Variants in CDK17 observed in about 807,000 individuals in gnomAD.
The protein encoded by CDK17 is cyclin dependent kinase 17.
In CDK17, 24 loss-of-function variants were observed where a neutral mutation model predicts 77.6. The ratio of observed to expected loss-of-function variants is 0.31; its 90% CI spans 0.22 to 0.44. The LOEUF (loss-of-function observed/expected upper bound fraction) is 0.44. Among genes scored for constraint, CDK17 ranks in the 20% least tolerant of loss-of-function variants. The probability of loss-of-function intolerance (pLI) is 1.00; values close to 1 mark genes in which losing one functional copy is unlikely to be tolerated. For missense variants in CDK17, 429 were observed against 622.5 expected (o/e 0.69, Z 3.31); for synonymous variants, 203 against 210.4 (o/e 0.96, Z 0.30).
intron 1 of CDK17, among the ~76,000 whole-genome samples, chr12:96,361,458 G>A (rs754817418): frequency 1.3e-5 from 2 of 152,126 alleles, no homozygotes; most frequent in Non-Finnish European, 2.9e-5. Context: ...CTCCAACCTC[G>A]CAAAGCAGTT....
chr12:96,400,299 G>T lies in CDK17; in HGVS notation c.-343C>A. 5.1e-6 allele frequency: 2 copies of T among 390,164 alleles called. No individual in the cohort carries two copies. Among genetic ancestry groups the T allele is most frequent in the Non-Finnish European group, 9.1e-6 (2 of 220,508 alleles). 24.2% of individuals were successfully genotyped at this position (390,164 alleles called of 1,614,324 possible). On this transcript the variant is annotated 5_prime_UTR_variant, in exon 1 of 17. Coordinates refer to ENST00000261211, the MANE Select transcript of CDK17 (RefSeq NM_002595.5). ...GCCGGGCGCGAGCGCGGCGGGCGCC[G>T]ACGGCGGGCTGAGACTGTCTGGCCG...
intron 3 of CDK17, among the ~76,000 whole-genome samples, chr12:96,317,141 C>T (rs1406170824): frequency 4.1e-5 from 6 of 147,146 alleles, no homozygotes; most frequent in African/African-American, 1.0e-4. Flanking sequence ...AACCAAGGCT[C>T]GAGAACTACA....
intron 6 of CDK17, among the ~76,000 whole-genome samples, chr12:96,299,533 G>A (rs1487602274): frequency 1.3e-5 from 2 of 151,946 alleles, no homozygotes; most frequent in Admixed American, 1.3e-4. Flanking sequence ...TGGGATTACA[G>A]GCGCCCGCCA....
chr12:96,398,674 T>C (rs1954210115), intron 1 of CDK17, among the ~76,000 whole-genome samples: 1 of 152,238 alleles, frequency 6.6e-6, no homozygotes, highest in African/African-American at 2.4e-5. Context: ...GAAAGAATTG[T>C]CTGTCTTTAG....
At chr12:96,317,566 C>G (rs1353410616) in intron 3 of CDK17, among the ~76,000 whole-genome samples, 1 of 112,852 alleles carries the variant, frequency 8.9e-6, no homozygotes, top group Non-Finnish European at 1.9e-5. Flanking sequence ...GGGTTACCCT[C>G]AAAGGGAAGC....
chr12:96,316,213 G>C (rs567419684), intron 3 of CDK17, among the ~76,000 whole-genome samples: 2 of 152,044 alleles, frequency 1.3e-5, no homozygotes, highest in Non-Finnish European at 2.9e-5. Context: ...CTGGAAAATC[G>C]GGTCACTCCC....
chr12:96,292,801 A>G (rs1025314857), intron 10 of CDK17, among the ~76,000 whole-genome samples: 1 of 152,128 alleles, frequency 6.6e-6, no homozygotes, highest in Admixed American at 6.6e-5. Context: ...AAGCAAAAAG[A>G]GCATTTAATT....
intron 1 of CDK17, among the ~76,000 whole-genome samples, chr12:96,358,392 A>AT (rs1953437199): frequency 6.6e-6 from 1 of 150,868 alleles, no homozygotes; most frequent in Admixed American, 6.6e-5. Context: ...AAAAAAAAAA[A>AT]AAAAGTTTAG....
At chr12:96,353,990 A>AT (rs750717641) in intron 1 of CDK17, among the ~76,000 whole-genome samples, 3 of 152,186 alleles carry the variant, frequency 2.0e-5, no homozygotes, top group Non-Finnish European at 4.4e-5. Flanking sequence ...GGTATGTGTA[A>AT]TAAGAGGGAA....
intron 1 of CDK17, among the ~76,000 whole-genome samples, chr12:96,354,675 T>C (rs560653575): frequency 6.6e-6 from 1 of 151,304 alleles, no homozygotes; most frequent in South Asian, 2.1e-4. Context: ...AGGCCAAGAG[T>C]TCCAAGACCA....
chr12:96,306,104 T>TA (rs1355466985), intron 5 of CDK17, among the ~76,000 whole-genome samples: 1 of 152,138 alleles, frequency 6.6e-6, no homozygotes, highest in Non-Finnish European at 1.5e-5. Flanking sequence ...GACAGTGGGA[T>TA]AGCCAGACAA....
chr12:96,296,507 A>G (rs895572343), intron 9 of CDK17, among the ~76,000 whole-genome samples: 1 of 152,224 alleles, frequency 6.6e-6, no homozygotes. Flanking sequence ...ATGTAAGTTT[A>G]AAATTACTAC....
chr12:96,383,582 A>C (rs1953922643), intron 1 of CDK17, among the ~76,000 whole-genome samples: 1 of 152,138 alleles, frequency 6.6e-6, no homozygotes. Context: ...ACACAGACCA[A>C]TGGAACAGAA....
intron 1 of CDK17, among the ~76,000 whole-genome samples, chr12:96,355,293 GT>G (rs1194257686): frequency 6.6e-6 from 1 of 150,472 alleles, no homozygotes; most frequent in African/African-American, 2.5e-5. Flanking sequence ...CACTTCCCTG[GT>G]CACCTTGTAC....
chr12:96,297,109 G>C (rs1372619537), intron 9 of CDK17, among the ~76,000 whole-genome samples, 161 bp downstream of exon 9: 1 of 152,168 alleles, frequency 6.6e-6, no homozygotes, highest in African/African-American at 2.4e-5. Flanking sequence ...GTAGTAAACA[G>C]AAGTTCTGGG....
chr12:96,345,798 AAAAC>A (rs1314657019), intron 1 of CDK17, among the ~76,000 whole-genome samples: 7 of 152,172 alleles, frequency 4.6e-5, no homozygotes, highest in African/African-American at 1.7e-4. Context: ...GAAAAGAAAA[AAAAC>A]AAAGGAATTA....
intron 9 of CDK17, 91 bp downstream of exon 9, chr12:96,297,179 A>C (rs553643582): frequency 4.1e-6 from 3 of 728,986 alleles, no homozygotes; most frequent in Non-Finnish European, 6.6e-6. Flanking sequence ...AAAACCCTGA[A>C]GAAGAGTTAT....
intron 5 of CDK17, among the ~76,000 whole-genome samples, chr12:96,301,800 A>G (rs1565810223): frequency 6.6e-6 from 1 of 152,194 alleles, no homozygotes; most frequent in Non-Finnish European, 1.5e-5. Flanking sequence ...ATCCTTGGTA[A>G]TTAGACTTGC....
chr12:96,289,127 T>G, intron 11 of CDK17, 40 bp downstream of exon 11: 1 of 1,604,082 alleles, frequency 6.2e-7, no homozygotes, highest in Non-Finnish European at 8.5e-7. Flanking sequence ...GTTACATTCT[T>G]TCAAAATTAT....
Sources: gnomAD v4.1 joint callset for allele counts (sites outside exome capture counted in the v4.1 genomes callset) on GRCh38, gnomAD v4.1.1 for gene constraint, MANE v1.5 for transcripts, NCBI Gene and HGNC (gene_info 2026-07-23, HGNC 2026-07-21) for gene names.